HDAC9: variants seen among roughly 807,000 people sequenced by gnomAD.
The protein encoded by HDAC9 is MEF-2 interacting transcription repressor (MITR) protein.
Under a neutral mutation model 139.4 loss-of-function variants are expected in HDAC9, and 41 were observed. The ratio of observed to expected loss-of-function variants is 0.29; its 90% CI spans 0.23 to 0.38. The LOEUF (loss-of-function observed/expected upper bound fraction) is 0.38, where lower values mean the gene tolerates loss of function less well. Among genes scored for constraint, HDAC9 ranks in the 10% least tolerant of loss-of-function variants. HDAC9 has a pLI of 1.00. For missense variants in HDAC9, 1,147 were observed against 1,297.0 expected (o/e 0.88, Z 1.78); for synonymous variants, 517 against 476.2 (o/e 1.09, Z -1.12).
At chr7:18,335,776 A>G (rs1246065872) in intron 1 of HDAC9, among the ~76,000 whole-genome samples, 1 of 151,560 alleles carries the variant, frequency 6.6e-6, no homozygotes, top group African/African-American at 2.4e-5. Context: ...GTACCAAACC[A>G]TCACCTTCAC....
chr7:18,164,488 A>G (rs1221299495), intron 2 of HDAC9, among the ~76,000 whole-genome samples: 7 of 152,210 alleles, frequency 4.6e-5, no homozygotes, highest in Admixed American at 1.3e-4. Flanking sequence ...TTGTTCCACA[A>G]ATGGCTCTAA....
At chr7:18,608,832 G>A (rs1474159883) in intron 6 of HDAC9, among the ~76,000 whole-genome samples, 2 of 152,148 alleles carry the variant, frequency 1.3e-5, no homozygotes, top group Non-Finnish European at 2.9e-5. Flanking sequence ...TGAGGCACAT[G>A]TAATAGGTTC....
chr7:18,436,209 T>C (rs1585887413), intron 1 of HDAC9, among the ~76,000 whole-genome samples: 1 of 152,176 alleles, frequency 6.6e-6, no homozygotes, highest in South Asian at 2.1e-4. Context: ...AAAAATTGAT[T>C]ACTGCTGAAA....
At chr7:18,675,748 C>G (rs907945204) in intron 12 of HDAC9, among the ~76,000 whole-genome samples, 23 of 151,990 alleles carry the variant, frequency 1.5e-4, no homozygotes, top group African/African-American at 5.6e-4. Context: ...CCTCCCTGCC[C>G]CAAGAGTTGA....
intron 17 of HDAC9, among the ~76,000 whole-genome samples, chr7:18,796,827 A>C (rs554851910): frequency 6.6e-6 from 1 of 152,310 alleles, no homozygotes; most frequent in East Asian, 1.9e-4. Flanking sequence ...AAGGATTGAT[A>C]CTTATTGAAG....
rs565331266 is a variant in HDAC9 at position 18,873,767 on chromosome 7, T to G, written c.2685-711T>G. Among the ~76,000 whole-genome samples, 4 of 152,242 alleles carry G rather than the reference T, an allele frequency of 2.6e-5. No individual in the cohort carries two copies. In the South Asian group the frequency reaches 8.3e-4, roughly 32 times the overall value. ...AAGCCCAGTTGCATTCATTAGTCAT[T>G]CTTTCTCAAAGCTAGCAATGATGAG... On this transcript the variant is annotated intron_variant, in intron 21 of 25. Transcript: ENST00000686413.
intron 2 of HDAC9, among the ~76,000 whole-genome samples, chr7:18,565,636 G>GA (rs35080681): frequency 6.7e-6 from 1 of 150,156 alleles, no homozygotes; most frequent in Non-Finnish European, 1.5e-5. Context: ...TACTTCTGTA[G>GA]AAAAAAAGAA....
chr7:18,468,173 T>C (rs1303401542), intron 1 of HDAC9, among the ~76,000 whole-genome samples: 3 of 152,116 alleles, frequency 2.0e-5, no homozygotes, highest in Non-Finnish European at 2.9e-5. Context: ...CTTTTTATAC[T>C]CCACTCTTTA....
At chr7:18,477,832 T>C (rs1227627071) in intron 1 of HDAC9, among the ~76,000 whole-genome samples, 1 of 152,178 alleles carries the variant, frequency 6.6e-6, no homozygotes, top group Non-Finnish European at 1.5e-5. Flanking sequence ...AGCCTGTAAC[T>C]ACCATCTGCC....
intron 1 of HDAC9, among the ~76,000 whole-genome samples, chr7:18,132,880 A>G (rs1292839396): frequency 8.2e-6 from 1 of 122,580 alleles, no homozygotes; most frequent in Non-Finnish European, 1.6e-5. Flanking sequence ...CCCCTTCCCT[A>G]AATAAAGTGA....
chr7:18,877,212 G>A (rs1585204684), intron 22 of HDAC9, among the ~76,000 whole-genome samples: 1 of 152,028 alleles, frequency 6.6e-6, no homozygotes, highest in Non-Finnish European at 1.5e-5. Flanking sequence ...CCAACAAGTG[G>A]GTAGAAGCTG....
chr7:18,492,068 C>G (rs939062920), upstream of HDAC9, among the ~76,000 whole-genome samples: 2 of 151,966 alleles, frequency 1.3e-5, no homozygotes, highest in Non-Finnish European at 2.9e-5. Flanking sequence ...CATGATGCAA[C>G]TAACATGATG....
intron 6 of HDAC9, among the ~76,000 whole-genome samples, chr7:18,598,439 G>A (rs1410039394): frequency 6.6e-6 from 1 of 152,048 alleles, no homozygotes; most frequent in Non-Finnish European, 1.5e-5. Flanking sequence ...TTGTAATTCA[G>A]GCTTTGAATC....
At chr7:18,641,914 G>A (rs1183072974) in intron 8 of HDAC9, among the ~76,000 whole-genome samples, 2 of 152,010 alleles carry the variant, frequency 1.3e-5, no homozygotes, top group Non-Finnish European at 1.5e-5. Context: ...AGAGATAAAC[G>A]TGGAACAGAT....
chr7:18,373,791 T>C (rs1456994332), intron 1 of HDAC9, among the ~76,000 whole-genome samples: 2 of 152,100 alleles, frequency 1.3e-5, no homozygotes, highest in African/African-American at 2.4e-5. Flanking sequence ...TGGAAAAAAA[T>C]GATAATATAT....
chr7:18,261,313 T>TA (rs1387991690), intron 2 of HDAC9, among the ~76,000 whole-genome samples: 2 of 151,738 alleles, frequency 1.3e-5, no homozygotes, highest in African/African-American at 4.8e-5. Flanking sequence ...GTCTCCAAAA[T>TA]AAAAAATAAA....
At chr7:18,439,190 A>G (rs1791511640) in intron 1 of HDAC9, among the ~76,000 whole-genome samples, 1 of 152,210 alleles carries the variant, frequency 6.6e-6, no homozygotes, top group Admixed American at 6.5e-5. Flanking sequence ...AAAGGTTGCC[A>G]CATGTAGGAG....
chr7:18,887,742 TTTATA>T (rs2129265039), intron 22 of HDAC9, among the ~76,000 whole-genome samples: 1 of 152,382 alleles, frequency 6.6e-6, no homozygotes, highest in African/African-American at 2.4e-5. Context: ...ACATAATTAT[TTTATA>T]TTTCTAAAAA....
chr7:18,991,128 G>C (rs2526633), intron 25 of HDAC9, among the ~76,000 whole-genome samples: 91,704 of 152,024 alleles, frequency 0.6, 28,282 homozygotes, highest in Middle Eastern at 0.68. Flanking sequence ...TATCATACTT[G>C]TAAAGAGCAC....
Sources: allele counts gnomAD v4.1 joint callset (sites outside exome capture counted in the v4.1 genomes callset), GRCh38; gene constraint gnomAD v4.1.1; transcripts MANE v1.5; gene names NCBI Gene and HGNC (gene_info 2026-07-23, HGNC 2026-07-21).